DOCK10: variants seen among roughly 807,000 people sequenced by gnomAD.
The protein encoded by DOCK10 is dedicator of cytokinesis 10, also known as dedicator of cytokinesis protein 10.
A neutral mutation model predicts 280.1 loss-of-function variants in DOCK10; 145 were observed. The observed-to-expected ratio is 0.52, with a 90% CI of 0.45 to 0.59. DOCK10 has a LOEUF of 0.59. Ranked by LOEUF, DOCK10 falls within the 20% of genes least tolerant of loss-of-function variation. The probability of loss-of-function intolerance (pLI) is 0.00; values close to 1 mark genes in which losing one functional copy is unlikely to be tolerated. For missense variants in DOCK10, 2,368 were observed against 2,651.7 expected (o/e 0.89, Z 2.35); for synonymous variants, 915 against 942.2 (o/e 0.97, Z 0.53).
chr2:224,897,999 A>C (rs1280518263), intron 3 of DOCK10, among the ~76,000 whole-genome samples: 1 of 152,168 alleles, frequency 6.6e-6, no homozygotes, highest in Non-Finnish European at 1.5e-5. Context: ...TAGGGGGAAA[A>C]TGAAGAGTAA....
chr2:225,024,710 C>A (rs1309151257), intron 1 of DOCK10, among the ~76,000 whole-genome samples: 1 of 143,778 alleles, frequency 7.0e-6, no homozygotes, highest in East Asian at 2.0e-4. Context: ...GGCAAAACCC[C>A]ATTTCTACTA....
rs754939995 is a variant in DOCK10 at position 224,798,010 on chromosome 2, A to G, written c.4507-41T>C. 4 of 1,588,708 alleles carry G rather than the reference A, an allele frequency of 2.5e-6. No individual in the cohort carries two copies. In the Admixed American group the frequency reaches 7.4e-5, roughly 29 times the overall value. ...AGATGTTATTCAGGATAAGTGAAAG[A>G]AAATTTTCATTCTATCAAAAAATAT... On this transcript the variant is annotated intron_variant, in intron 41 of 55. Coordinates refer to ENST00000258390, the MANE Select transcript of DOCK10 (RefSeq NM_014689.3).
chr2:224,781,117 A>G (rs1691303061), intron 50 of DOCK10, among the ~76,000 whole-genome samples: 1 of 152,038 alleles, frequency 6.6e-6, no homozygotes, highest in Non-Finnish European at 1.5e-5. Flanking sequence ...ATGATGAAAA[A>G]TCTCTGTATC....
At chr2:224,824,488 G>A (rs956102346) in intron 27 of DOCK10, among the ~76,000 whole-genome samples, 14 of 132,116 alleles carry the variant, frequency 1.1e-4, no homozygotes, top group Non-Finnish European at 1.9e-4. Flanking sequence ...CCAGATTGGA[G>A]TGCAATGGTG....
intron 28 of DOCK10, among the ~76,000 whole-genome samples, chr2:224,820,830 G>A (rs900326438): frequency 1.3e-5 from 2 of 152,164 alleles, no homozygotes; most frequent in Admixed American, 6.5e-5. Flanking sequence ...CTAATATTAG[G>A]TGATTTCCAA....
chr2:224,865,754 T>C (rs1559601202), intron 11 of DOCK10, among the ~76,000 whole-genome samples: 1 of 152,070 alleles, frequency 6.6e-6, no homozygotes, highest in Non-Finnish European at 1.5e-5. Context: ...TAATTTTGAA[T>C]AGAGAGAAAG....
intron 1 of DOCK10, among the ~76,000 whole-genome samples, chr2:224,976,532 A>T (rs574176744): frequency 3.0e-4 from 45 of 152,312 alleles, no homozygotes; most frequent in African/African-American, 1.1e-3. Flanking sequence ...ATTAAGTGAC[A>T]GACTTGAGAC....
intron 1 of DOCK10, among the ~76,000 whole-genome samples, chr2:225,031,134 C>A (rs186032647): frequency 6.6e-6 from 1 of 152,266 alleles, no homozygotes; most frequent in East Asian, 1.9e-4. Flanking sequence ...AAGGGCAAAA[C>A]CACACCTCTT....
intron 1 of DOCK10, among the ~76,000 whole-genome samples, chr2:225,040,371 G>A (rs1690385770): frequency 6.6e-6 from 1 of 152,194 alleles, no homozygotes; most frequent in Non-Finnish European, 1.5e-5. Flanking sequence ...TGGCCAAGGT[G>A]CTGAAGCGAA....
intron 1 of DOCK10, among the ~76,000 whole-genome samples, chr2:224,946,443 T>C (rs1451894697): frequency 6.6e-6 from 1 of 152,170 alleles, no homozygotes; most frequent in Non-Finnish European, 1.5e-5. Context: ...TATGATAAAA[T>C]AGAGCAATGA....
At chr2:224,916,476 G>A (rs1701318534) in intron 3 of DOCK10, among the ~76,000 whole-genome samples, 1 of 151,338 alleles carries the variant, frequency 6.6e-6, no homozygotes, top group African/African-American at 2.4e-5. Context: ...GGGAGGCGGA[G>A]GCTGCTGTGA....
chr2:224,939,229 A>T (rs943864118), intron 1 of DOCK10, among the ~76,000 whole-genome samples: 3 of 152,248 alleles, frequency 2.0e-5, no homozygotes, highest in Admixed American at 6.5e-5. Flanking sequence ...TTCAACACAC[A>T]CATTATCGTT....
chr2:224,794,899 T>C lies in DOCK10; in HGVS notation c.5134A>G (p.Arg1712Gly). Residue 1712 changes from arginine to glycine, a missense_variant, in exon 45 of 56, where the codon AGA (arginine) becomes GGA (glycine). By Grantham distance (125) the Arg-to-Gly change is moderately radical (BLOSUM62 -2). Transcript: ENST00000258390. ...ATCACCTCAGATAAATCTCCGTTTC[T>C]GGCATGAATCTTGGCCATACTTTCC... Reference protein sequence around the residue: ...WLESMAKIHARNGDLSEAAMC... With the variant: ...WLESMAKIHAGNGDLSEAAMC... 2 of 1,613,828 alleles carry C rather than the reference T, an allele frequency of 1.2e-6. No homozygotes were observed. The highest frequency in any genetic ancestry group is 1.7e-6 in the Non-Finnish European group (2 of 1,179,844).
intron 38 of DOCK10, 94 bp from the exon 39 acceptor site, chr2:224,804,307 A>C (rs1308825835): frequency 1.5e-6 from 1 of 684,068 alleles, no homozygotes; most frequent in East Asian, 2.8e-5. Flanking sequence ...CTGCACAATG[A>C]AATATTTCAC....
At position 224,896,294 on chromosome 2, in the gene DOCK10, C is replaced by T; in HGVS notation, c.416+1G>A. Reference sequence around the variant, plus strand: ...AATAAGTGCTCATAACAGGTTCTTACCGGGGTAGCTGTCGAATGTCTCCAG... The same window carrying T: ...AATAAGTGCTCATAACAGGTTCTTATCGGGGTAGCTGTCGAATGTCTCCAG... On this transcript the variant is annotated splice_donor_variant, in intron 4 of 55. Transcript: ENST00000258390. LOFTEE classifies it high-confidence loss of function. 1.3e-6 allele frequency: 2 copies of T among 1,576,898 alleles called. No homozygotes were observed. The highest frequency in any genetic ancestry group is 1.7e-6 in the Non-Finnish European group (2 of 1,150,442).
chr2:224,823,460 C>A, intron 28 of DOCK10, 41 bp downstream of exon 28: 1 of 1,509,568 alleles, frequency 6.6e-7, no homozygotes, highest in South Asian at 1.3e-5. Context: ...CATCCACCAA[C>A]ATGGGGCCTT....
chr2:224,894,839 C>T (rs1164931265), intron 4 of DOCK10, among the ~76,000 whole-genome samples: 1 of 152,226 alleles, frequency 6.6e-6, no homozygotes, highest in Non-Finnish European at 1.5e-5. Flanking sequence ...CCTGCAGTCC[C>T]ATTCTCCATA....
chr2:224,919,195 G>A (rs1276948919), intron 2 of DOCK10, among the ~76,000 whole-genome samples: 1 of 149,250 alleles, frequency 6.7e-6, no homozygotes, highest in Non-Finnish European at 1.5e-5. Flanking sequence ...GTGTATGTGT[G>A]GTATGAGGGT....
intron 1 of DOCK10, among the ~76,000 whole-genome samples, chr2:224,989,310 G>A (rs1042280373): frequency 2.0e-5 from 3 of 152,196 alleles, no homozygotes; most frequent in Non-Finnish European, 2.9e-5. Flanking sequence ...TGGGGACCAA[G>A]GCATAGGGTA....
Sources: gnomAD v4.1 joint callset for allele counts (sites outside exome capture counted in the v4.1 genomes callset) on GRCh38, gnomAD v4.1.1 for gene constraint, MANE v1.5 for transcripts, NCBI Gene and HGNC (gene_info 2026-07-23, HGNC 2026-07-21) for gene names.